Variants in HPGDS observed in about 807,000 individuals in gnomAD.
The protein encoded by HPGDS is GST class-sigma.
Under a neutral mutation model 23.1 loss-of-function variants are expected in HPGDS, and 26 were observed. The observed-to-expected ratio is 1.13, with a 90% CI of 0.83 to 1.56. The LOEUF is 1.56. Among genes scored for constraint, HPGDS ranks in the 40% most tolerant of loss-of-function variants. HPGDS has a pLI of 0.00. For missense variants in HPGDS, 268 were observed against 236.4 expected, an observed-to-expected ratio of 1.13 and a Z score of -0.88; for synonymous variants, 95 against 77.9, an observed-to-expected ratio of 1.22 and a Z score of -1.16.
At chr4:94,332,374 C>A (rs1193889482) in intron 2 of HPGDS, among the ~76,000 whole-genome samples, 1 of 152,224 alleles carries the variant, frequency 6.6e-6, no homozygotes, top group African/African-American at 2.4e-5. Flanking sequence ...AAAAGGCTGT[C>A]GCACTGGCCT....
At chr4:94,313,238 G>A (rs982393240) in intron 3 of HPGDS, among the ~76,000 whole-genome samples, 11 of 152,142 alleles carry the variant, frequency 7.2e-5, no homozygotes, top group African/African-American at 2.4e-4. Flanking sequence ...AGCTTGGGTG[G>A]TCTTTACAAT....
At chr4:94,300,462 CT>C (rs1579422611) in intron 5 of HPGDS, among the ~76,000 whole-genome samples, 1 of 152,254 alleles carries the variant, frequency 6.6e-6, no homozygotes, top group South Asian at 2.1e-4. Flanking sequence ...GTGGCCCACT[CT>C]TTTTTCTTTT....
chr4:94,300,381 C>A (rs1245249700), intron 5 of HPGDS, among the ~76,000 whole-genome samples: 1 of 152,138 alleles, frequency 6.6e-6, no homozygotes, highest in African/African-American at 2.4e-5. Flanking sequence ...ATGTTTTTAT[C>A]TTTGTGTTAG....
chr4:94,339,053 G>C (rs1319132174), intron 1 of HPGDS, among the ~76,000 whole-genome samples: 1 of 152,210 alleles, frequency 6.6e-6, no homozygotes, highest in Non-Finnish European at 1.5e-5. Flanking sequence ...ACATGACATA[G>C]AGTGAGGACT....
chr4:94,301,051 A>G (rs1756031055), intron 5 of HPGDS, among the ~76,000 whole-genome samples: 1 of 152,148 alleles, frequency 6.6e-6, no homozygotes, highest in African/African-American at 2.4e-5. Context: ...GGGCAGGGAG[A>G]GGAGCATTTT....
In HPGDS at chr4:94,308,762, C is replaced by T. The variant is rs1464947357; in HGVS notation, c.227-19G>A. ...GCCAAATCTGTGGAATAGAGAGAGG[C>T]CCATCAATATGTTTAATTTACTATA... On this transcript the variant is annotated intron_variant, in intron 3 of 5. Transcript: ENST00000295256. The T allele has an allele frequency of 3.1e-6, 4 of 1,278,654 alleles. No homozygotes were observed. The highest frequency in any genetic ancestry group is 1.2e-5 in the South Asian group (1 of 80,776). The allele number at this position is 1,278,654 out of a possible 1,614,324, so 79.2% of individuals were successfully genotyped here.
intron 5 of HPGDS, 50 bp downstream of exon 5, chr4:94,302,096 G>C: frequency 7.4e-7 from 1 of 1,350,364 alleles, no homozygotes; most frequent in Non-Finnish European, 1.1e-6. Context: ...TACTTCTATT[G>C]GTTTGTCCTT....
At chr4:94,311,365 C>A (rs1032650943) in intron 3 of HPGDS, among the ~76,000 whole-genome samples, 2 of 151,136 alleles carry the variant, frequency 1.3e-5, no homozygotes, top group African/African-American at 4.9e-5. Context: ...GAATTGTGTC[C>A]AAGGCCTTTT....
intron 2 of HPGDS, among the ~76,000 whole-genome samples, chr4:94,332,026 A>G (rs888447220): frequency 1.3e-5 from 2 of 152,154 alleles, no homozygotes; most frequent in African/African-American, 4.8e-5. Context: ...TGCCTTTTCC[A>G]AAACTACCTA....
At chr4:94,326,357 C>T (rs545849859) in intron 2 of HPGDS, among the ~76,000 whole-genome samples, 1 of 152,220 alleles carries the variant, frequency 6.6e-6, no homozygotes, top group Admixed American at 6.5e-5. Flanking sequence ...CATTTGGGTG[C>T]TTTATGGTTT....
chr4:94,313,736 C>T (rs1471074228), intron 3 of HPGDS, among the ~76,000 whole-genome samples: 3 of 152,164 alleles, frequency 2.0e-5, no homozygotes, highest in Admixed American at 6.5e-5. Flanking sequence ...AGAGTGTTTT[C>T]CAACTTGGTT....
At chr4:94,310,567 G>A (rs1191650435) in intron 3 of HPGDS, among the ~76,000 whole-genome samples, 13 of 152,132 alleles carry the variant, frequency 8.5e-5, no homozygotes, top group Admixed American at 2.0e-4. Context: ...GTCGGGTAGC[G>A]TGATGCTTCC....
chr4:94,321,310 G>T (rs1450230222), intron 2 of HPGDS, among the ~76,000 whole-genome samples: 2 of 152,214 alleles, frequency 1.3e-5, no homozygotes, highest in Non-Finnish European at 2.9e-5. Context: ...AAAGTCACTT[G>T]TAGGTGGCTG....
In HPGDS at chr4:94,299,457, A is replaced by C; in HGVS notation, c.*23T>G. 3.8e-6 allele frequency: 6 copies of C among 1,583,610 alleles called. No homozygotes were observed. The highest frequency in any genetic ancestry group is 5.2e-6 in the Non-Finnish European group (6 of 1,161,974). On this transcript the variant is annotated 3_prime_UTR_variant, in exon 6 of 6. Transcript: ENST00000295256. Reference sequence around the variant, plus strand: ...GAGAGAGATGCCCCCGAGAAAAACAAACTTGAAGGCAACATGGATCAGCTA... The same window carrying C: ...GAGAGAGATGCCCCCGAGAAAAACACACTTGAAGGCAACATGGATCAGCTA...
intron 2 of HPGDS, among the ~76,000 whole-genome samples, chr4:94,329,159 G>A (rs1250076849): frequency 6.6e-6 from 1 of 152,020 alleles, no homozygotes; most frequent in Non-Finnish European, 1.5e-5. Context: ...TTTGTGCTAG[G>A]CATTGTACTA....
chr4:94,324,986 G>A (rs1756599676), intron 2 of HPGDS, among the ~76,000 whole-genome samples: 1 of 152,200 alleles, frequency 6.6e-6, no homozygotes, highest in South Asian at 2.1e-4. Context: ...ATTCCTTTCT[G>A]TTTGTTAGTT....
At chr4:94,300,777 T>C (rs1756025149) in intron 5 of HPGDS, among the ~76,000 whole-genome samples, 1 of 151,860 alleles carries the variant, frequency 6.6e-6, no homozygotes, top group Admixed American at 6.6e-5. Context: ...CAGAGAGGAC[T>C]TTTTAAGAGG....
At chr4:94,306,779 G>A (rs1223697866) in intron 4 of HPGDS, among the ~76,000 whole-genome samples, 10 of 152,012 alleles carry the variant, frequency 6.6e-5, no homozygotes, top group Admixed American at 3.9e-4. Flanking sequence ...ATGCAGAAAA[G>A]CCAAGAGACG....
chr4:94,321,859 C>T (rs920473289), intron 2 of HPGDS, among the ~76,000 whole-genome samples: 5 of 152,172 alleles, frequency 3.3e-5, no homozygotes, highest in African/African-American at 1.2e-4. Flanking sequence ...AAAGGGAATG[C>T]TTCCAGTTTT....
Sources: allele counts gnomAD v4.1 joint callset (sites outside exome capture counted in the v4.1 genomes callset), GRCh38; gene constraint gnomAD v4.1.1; transcripts MANE v1.5; gene names NCBI Gene and HGNC (gene_info 2026-07-23, HGNC 2026-07-21).